Variants in FGF12 observed in about 807,000 individuals in gnomAD.
The protein encoded by FGF12 is fibroblast growth factor 12.
A neutral mutation model predicts 23.6 loss-of-function variants in FGF12; 14 were observed. The ratio of observed to expected loss-of-function variants is 0.59; its 90% CI spans 0.39 to 0.93. The LOEUF (loss-of-function observed/expected upper bound fraction) is 0.93, where lower values mean the gene tolerates loss of function less well. Among genes scored for constraint, FGF12 ranks in the 40% least tolerant of loss-of-function variants. The pLI is 0.00. For missense variants in FGF12, 175 were observed against 217.8 expected, an observed-to-expected ratio of 0.80 and a Z score of 1.24; for synonymous variants, 62 against 77.3, an observed-to-expected ratio of 0.80 and a Z score of 1.04.
intron 2 of FGF12, among the ~76,000 whole-genome samples, chr3:192,498,499 AC>A (rs763385869): frequency 9.9e-5 from 15 of 152,230 alleles, no homozygotes; most frequent in Middle Eastern, 3.4e-3. Flanking sequence ...TAGGAATTAA[AC>A]CCTGATTGGG....
rs546861841 is a variant in FGF12, at chr3:192,671,863, G to T, written c.13+55318C>A. On this transcript the variant is annotated intron_variant, in intron 2 of 5. Coordinates refer to ENST00000445105, the MANE Select transcript of FGF12 (RefSeq NM_004113.6). ...TCATCTAAGAAATCTGAATCCCATG[G>T]TCATTGCTAAAATTATGTGATTACA... is the stretch of plus-strand genomic sequence containing the variant. Among the ~76,000 whole-genome samples the T allele has an allele frequency of 2.0e-5, 3 of 152,084 alleles. No individual in the cohort carries two copies. In the East Asian group the frequency reaches 5.8e-4, roughly 29 times the overall value.
At chr3:192,158,152 T>C (rs1714535778) in intron 5 of FGF12, among the ~76,000 whole-genome samples, 1 of 152,130 alleles carries the variant, frequency 6.6e-6, no homozygotes, top group Non-Finnish European at 1.5e-5. Flanking sequence ...CTCATGGTTG[T>C]ACACAGCACT....
At chr3:192,407,186 C>T (rs142985642) in intron 2 of FGF12, among the ~76,000 whole-genome samples, 1 of 152,268 alleles carries the variant, frequency 6.6e-6, no homozygotes, top group East Asian at 1.9e-4. Flanking sequence ...CATCTGCGGT[C>T]GGGGCTGCAG....
intron 2 of FGF12, among the ~76,000 whole-genome samples, chr3:192,456,569 A>G (rs1281259784): frequency 6.6e-6 from 1 of 152,228 alleles, no homozygotes; most frequent in Non-Finnish European, 1.5e-5. Flanking sequence ...TTAAAATCTC[A>G]TTTACCCCAT....
intron 4 of FGF12, among the ~76,000 whole-genome samples, chr3:192,333,424 T>A (rs1717226317): frequency 6.6e-6 from 1 of 152,274 alleles, no homozygotes; most frequent in South Asian, 2.1e-4. Flanking sequence ...CTTGCCTTTT[T>A]TAATTTTAAT....
intron 4 of FGF12, among the ~76,000 whole-genome samples, chr3:192,196,526 A>C (rs1004165615): frequency 6.6e-6 from 1 of 151,968 alleles, no homozygotes; most frequent in Non-Finnish European, 1.5e-5. Context: ...CTGATGGGAC[A>C]GTAGAGCTTT....
chr3:192,518,564 G>T (rs532577255), intron 2 of FGF12, among the ~76,000 whole-genome samples: 1 of 152,256 alleles, frequency 6.6e-6, no homozygotes, highest in East Asian at 1.9e-4. Context: ...AACATATAAA[G>T]AATCATGCCA....
intron 2 of FGF12, among the ~76,000 whole-genome samples, chr3:192,530,625 A>G (rs1045819247): frequency 1.3e-5 from 2 of 152,228 alleles, no homozygotes; most frequent in African/African-American, 4.8e-5. Context: ...GACTTTTAGT[A>G]GAAAGCTTTT....
intron 4 of FGF12, among the ~76,000 whole-genome samples, chr3:192,210,733 C>T (rs559905778): frequency 2.6e-5 from 4 of 152,050 alleles, no homozygotes; most frequent in African/African-American, 7.2e-5. Flanking sequence ...TATATTCTAA[C>T]GAGAGTAGAA....
chr3:192,249,712 A>G (rs1313595875), intron 4 of FGF12, among the ~76,000 whole-genome samples: 1 of 152,198 alleles, frequency 6.6e-6, no homozygotes, highest in Non-Finnish European at 1.5e-5. Flanking sequence ...AATGGAAAGA[A>G]CAAACCCCTC....
intron 4 of FGF12, among the ~76,000 whole-genome samples, chr3:192,219,471 A>T (rs1718364180): frequency 6.6e-6 from 1 of 152,142 alleles, no homozygotes; most frequent in Non-Finnish European, 1.5e-5. Context: ...TAAACACGAA[A>T]AACCCCCAGA....
rs534005050 is a variant in FGF12 at position 192,669,865 on chromosome 3, A to G, written c.13+57316T>C. On this transcript the variant is annotated intron_variant, in intron 2 of 5. Transcript: ENST00000445105. The stretch of plus-strand genomic sequence containing the variant: ...TGAACCAATATTTTTCAAATGATCA[A>G]TATATGATATTAAAGCATATTCCAT... Among the ~76,000 whole-genome samples, 205 of 152,296 alleles carry G rather than the reference A, an allele frequency of 1.3e-3. 5 individuals are homozygous for G. Among genetic ancestry groups the G allele is most frequent in the South Asian group, 0.013 (63 of 4,822 alleles).
intron 2 of FGF12, among the ~76,000 whole-genome samples, chr3:192,527,415 A>C (rs1259607083): frequency 1.3e-5 from 2 of 152,224 alleles, no homozygotes; most frequent in Non-Finnish European, 2.9e-5. Context: ...TTAGTCTGAA[A>C]GGTTGTATAC....
intron 4 of FGF12, among the ~76,000 whole-genome samples, chr3:192,308,975 GTAAAATA>G (rs1444363584): frequency 1.3e-5 from 2 of 152,146 alleles, no homozygotes; most frequent in African/African-American, 2.4e-5. Flanking sequence ...AATATACAAT[GTAAAATA>G]TAAAATACAA....
chr3:192,214,792 T>A (rs1055649312), intron 4 of FGF12, among the ~76,000 whole-genome samples: 3 of 152,236 alleles, frequency 2.0e-5, no homozygotes, highest in African/African-American at 7.2e-5. Context: ...TTTGATCACA[T>A]AAGAATGTTT....
At chr3:192,654,225 T>C (rs1264946469) in intron 2 of FGF12, among the ~76,000 whole-genome samples, 3 of 152,216 alleles carry the variant, frequency 2.0e-5, no homozygotes, top group African/African-American at 4.8e-5. Flanking sequence ...GTAGGAGGGC[T>C]GGGAATAAAC....
intron 4 of FGF12, among the ~76,000 whole-genome samples, chr3:192,239,692 G>A (rs952770978): frequency 1.3e-5 from 2 of 152,176 alleles, no homozygotes; most frequent in African/African-American, 2.4e-5. Flanking sequence ...TAGGCTGAGC[G>A]CTGTTGGTGA....
At chr3:192,158,624 TTCTC>T (rs1162730311) in intron 5 of FGF12, among the ~76,000 whole-genome samples, 1,533 of 45,478 alleles carry the variant, frequency 0.034, 45 homozygotes, top group African/African-American at 0.092. Flanking sequence ...CCTTCTTTCT[TTCTC>T]TCTGTTTTTT....
chr3:192,547,242 G>A (rs1423052564), intron 2 of FGF12, among the ~76,000 whole-genome samples: 1 of 152,184 alleles, frequency 6.6e-6, no homozygotes, highest in African/African-American at 2.4e-5. Context: ...TGGTAGTAGA[G>A]CAGGTGACGT....
Sources: gnomAD v4.1 joint callset for allele counts (sites outside exome capture counted in the v4.1 genomes callset) on GRCh38, gnomAD v4.1.1 for gene constraint, MANE v1.5 for transcripts, NCBI Gene and HGNC (gene_info 2026-07-23, HGNC 2026-07-21) for gene names.